LUZP2: variants seen among roughly 807,000 people sequenced by gnomAD.
LUZP2 encodes the protein leucine zipper protein 2.
A neutral mutation model predicts 51.6 loss-of-function variants in LUZP2; 52 were observed. The ratio of observed to expected loss-of-function variants is 1.01; its 90% CI spans 0.81 to 1.27. The LOEUF is 1.27. Among genes scored for constraint, LUZP2 ranks in the 50% most tolerant of loss-of-function variants. The probability of loss-of-function intolerance (pLI) is 0.00; values close to 1 mark genes in which losing one functional copy is unlikely to be tolerated. For missense variants in LUZP2, 436 were observed against 395.4 expected, an observed-to-expected ratio of 1.10 and a Z score of -0.87; for synonymous variants, 154 against 137.3, an observed-to-expected ratio of 1.12 and a Z score of -0.85.
At chr11:24,513,412 T>TAG (rs10690977) in intron 1 of LUZP2, among the ~76,000 whole-genome samples, 27,300 of 152,050 alleles carry the variant, frequency 0.18, 2,775 homozygotes, top group African/African-American at 0.28. Context: ...ACAATCAGCA[T>TAG]CAAGAGAACG....
chr11:24,810,653 T>A (rs982165895), intron 5 of LUZP2, among the ~76,000 whole-genome samples: 4 of 152,078 alleles, frequency 2.6e-5, no homozygotes, highest in Admixed American at 6.6e-5. Context: ...TAGTGTGTTG[T>A]AAGATAAAAG....
chr11:24,564,342 A>G (rs1852148871), intron 1 of LUZP2, among the ~76,000 whole-genome samples: 1 of 152,164 alleles, frequency 6.6e-6, no homozygotes, highest in Non-Finnish European at 1.5e-5. Context: ...CTCAAAATAT[A>G]TCACTAATAA....
intron 1 of LUZP2, among the ~76,000 whole-genome samples, chr11:24,714,312 TA>T (rs1375883774): frequency 2.0e-5 from 3 of 151,810 alleles, no homozygotes; most frequent in Non-Finnish European, 2.9e-5. Flanking sequence ...TAAAGTAAAA[TA>T]AAAAAAGGAA....
intron 5 of LUZP2, among the ~76,000 whole-genome samples, chr11:24,797,781 G>T (rs543195631): frequency 1.3e-5 from 2 of 152,254 alleles, no homozygotes; most frequent in Admixed American, 6.5e-5. Context: ...CATAGTTTAG[G>T]AGTTCTATTT....
chr11:24,712,468 G>A (rs925175028), intron 1 of LUZP2, among the ~76,000 whole-genome samples: 2 of 152,134 alleles, frequency 1.3e-5, no homozygotes, highest in African/African-American at 4.8e-5. Context: ...AGGATTTGCA[G>A]CTAAGGAACA....
chr11:24,704,692 T>A (rs1267670520), intron 1 of LUZP2, among the ~76,000 whole-genome samples: 6 of 152,108 alleles, frequency 3.9e-5, no homozygotes, highest in Admixed American at 3.9e-4. Context: ...TTCAAATTCA[T>A]ACATATACTA....
At chr11:24,981,361 T>C (rs1251059053) in intron 8 of LUZP2, among the ~76,000 whole-genome samples, 2 of 151,788 alleles carry the variant, frequency 1.3e-5, no homozygotes, top group African/African-American at 4.8e-5. Context: ...GGGTGTCTTT[T>C]AGCATGCTAA....
chr11:24,701,795 T>G (rs1857429067), intron 1 of LUZP2, among the ~76,000 whole-genome samples: 1 of 152,146 alleles, frequency 6.6e-6, no homozygotes, highest in South Asian at 2.1e-4. Context: ...TCCCATAATA[T>G]TGAATTATGG....
chr11:24,584,834 T>A (rs1305238356), intron 1 of LUZP2, among the ~76,000 whole-genome samples: 1 of 152,162 alleles, frequency 6.6e-6, no homozygotes, highest in Non-Finnish European at 1.5e-5. Context: ...ACATAAATAC[T>A]TGATCCTAAC....
chr11:24,702,098 A>G (rs1857436691), intron 1 of LUZP2, among the ~76,000 whole-genome samples: 1 of 152,180 alleles, frequency 6.6e-6, no homozygotes, highest in Admixed American at 6.5e-5. Context: ...TGAAATACTG[A>G]AAATCTGAGT....
At chr11:24,566,868 C>CAT (rs1852250623) in intron 1 of LUZP2, among the ~76,000 whole-genome samples, 1 of 127,780 alleles carries the variant, frequency 7.8e-6, no homozygotes, top group Non-Finnish European at 1.6e-5. Flanking sequence ...AATGTATATA[C>CAT]ACATATTTAT....
chr11:24,949,174 AAAAGGGT>A (rs2133860500), intron 7 of LUZP2, among the ~76,000 whole-genome samples: 1 of 151,472 alleles, frequency 6.6e-6, no homozygotes, highest in East Asian at 1.9e-4. Context: ...GCAGGATGCA[AAAAGGGT>A]AAATTCCTCT....
chr11:24,631,716 G>A (rs570382449), intron 1 of LUZP2, among the ~76,000 whole-genome samples: 130 of 151,994 alleles, frequency 8.6e-4, no homozygotes, highest in African/African-American at 3.0e-3. Flanking sequence ...CGTGGAATAA[G>A]CTAGAGATAA....
intron 5 of LUZP2, among the ~76,000 whole-genome samples, chr11:24,861,025 T>A (rs1851725410): frequency 6.6e-6 from 1 of 152,150 alleles, no homozygotes; most frequent in South Asian, 2.1e-4. Context: ...TGAAGGAGCA[T>A]GTTCTAACCC....
chr11:24,782,110 G>T (rs150890401), intron 5 of LUZP2, among the ~76,000 whole-genome samples: 1 of 152,014 alleles, frequency 6.6e-6, no homozygotes, highest in African/African-American at 2.4e-5. Flanking sequence ...TCAGAATCAG[G>T]TGTGACTTGA....
At chr11:24,833,049 T>A (rs982105410) in intron 5 of LUZP2, among the ~76,000 whole-genome samples, 1 of 152,190 alleles carries the variant, frequency 6.6e-6, no homozygotes, top group East Asian at 1.9e-4. Flanking sequence ...AATTAAGCAG[T>A]TGATGAAGGG....
intron 9 of LUZP2, among the ~76,000 whole-genome samples, chr11:25,040,603 T>G (rs1033754681): frequency 1.3e-5 from 2 of 152,112 alleles, no homozygotes; most frequent in African/African-American, 4.8e-5. Flanking sequence ...TCAGTCTGTT[T>G]TTTCACCCAG....
At chr11:25,018,056 T>TGTTCTG (rs1857213090) in intron 9 of LUZP2, among the ~76,000 whole-genome samples, 1 of 24,120 alleles carries the variant, frequency 4.1e-5, no homozygotes, top group African/African-American at 4.9e-5. Flanking sequence ...TTGTTTTTTT[T>TGTTCTG]TTTGCAGCTG....
chr11:24,564,387 A>T (rs2133780072), intron 1 of LUZP2, among the ~76,000 whole-genome samples: 1 of 152,280 alleles, frequency 6.6e-6, no homozygotes, highest in Admixed American at 6.5e-5. Context: ...TGAAATTTTA[A>T]TTCAGGCTTA....
Sources: allele counts gnomAD v4.1 joint callset (sites outside exome capture counted in the v4.1 genomes callset), GRCh38; gene constraint gnomAD v4.1.1; transcripts MANE v1.5; gene names NCBI Gene and HGNC (gene_info 2026-07-23, HGNC 2026-07-21).